WDR48: variants seen among roughly 807,000 people sequenced by gnomAD.
WDR48 encodes the protein WD repeat-containing protein 48.
A neutral mutation model predicts 94.0 loss-of-function variants in WDR48; 22 were observed. The ratio of observed to expected loss-of-function variants is 0.23; its 90% CI spans 0.17 to 0.33. WDR48 has a LOEUF of 0.33. Ranked by LOEUF, WDR48 falls within the 10% of genes least tolerant of loss-of-function variation. The pLI, the probability that WDR48 is intolerant of heterozygous loss-of-function variation, is 1.00. For synonymous variants in WDR48, 278 were observed against 280.5 expected, an observed-to-expected ratio of 0.99 and a Z score of 0.09; for missense variants, 541 against 813.8, an observed-to-expected ratio of 0.66 and a Z score of 4.08.
chr3:39,070,388 T>G (rs1388931438), intron 7 of WDR48, among the ~76,000 whole-genome samples: 1 of 152,182 alleles, frequency 6.6e-6, no homozygotes, highest in Non-Finnish European at 1.5e-5. Context: ...TTTTCCAGAA[T>G]GCAGTGATAA....
chr3:39,057,472 A>G (rs2032969958), intron 1 of WDR48, among the ~76,000 whole-genome samples: 1 of 152,190 alleles, frequency 6.6e-6, no homozygotes, highest in Non-Finnish European at 1.5e-5. Context: ...AAATACAAGC[A>G]GGAATTACTT....
chr3:39,084,993 C>G (rs180741185), intron 13 of WDR48, among the ~76,000 whole-genome samples: 17 of 152,096 alleles, frequency 1.1e-4, no homozygotes, highest in Admixed American at 3.3e-4. Context: ...TTTGGGAGGC[C>G]GAGGCGGGTG....
intron 7 of WDR48, among the ~76,000 whole-genome samples, chr3:39,070,352 C>T (rs148252717): frequency 1.3e-5 from 2 of 152,126 alleles, no homozygotes; most frequent in African/African-American, 4.8e-5. Flanking sequence ...CATATGTCTA[C>T]CATGTACCCT....
intron 8 of WDR48, among the ~76,000 whole-genome samples, chr3:39,075,176 A>G (rs1378998073): frequency 7.1e-6 from 1 of 141,032 alleles, no homozygotes; most frequent in Non-Finnish European, 1.5e-5. Flanking sequence ...GTTCTGGGGC[A>G]CTTTTGTGTT....
At chr3:39,089,032 C>T (rs544331345) in intron 15 of WDR48, among the ~76,000 whole-genome samples, 199 bp from the exon 16 acceptor site, 5 of 152,204 alleles carry the variant, frequency 3.3e-5, no homozygotes, top group Non-Finnish European at 5.9e-5. Flanking sequence ...GCCTTGGAAT[C>T]TGGGGGCCTG....
chr3:39,072,345 C>T (rs535827393), intron 7 of WDR48, among the ~76,000 whole-genome samples: 12 of 152,270 alleles, frequency 7.9e-5, no homozygotes, highest in African/African-American at 2.6e-4. Context: ...TGATTTGAGT[C>T]AGTCATGTCC....
chr3:39,092,153 C>T (rs1443226794), intron 17 of WDR48, among the ~76,000 whole-genome samples: 2 of 152,214 alleles, frequency 1.3e-5, no homozygotes, highest in African/African-American at 2.4e-5. Flanking sequence ...GCTTGGGCAA[C>T]AGAGAGAGAC....
chr3:39,075,080 T>C (rs1575415239), intron 8 of WDR48, 130 bp downstream of exon 8: 3 of 877,616 alleles, frequency 3.4e-6, no homozygotes, highest in South Asian at 1.8e-5. Context: ...AAAAAAGATA[T>C]TCCATCATGA....
intron 1 of WDR48, among the ~76,000 whole-genome samples, chr3:39,055,609 A>G (rs2032827445): frequency 2.0e-5 from 3 of 152,250 alleles, no homozygotes; most frequent in African/African-American, 2.4e-5. Context: ...AAAACTAGAG[A>G]TACGAGGGAA....
chr3:39,090,911 C>G (rs1225634821), intron 16 of WDR48: 2 of 152,194 alleles, frequency 1.3e-5, no homozygotes, highest in East Asian at 3.8e-4. Context: ...CCCCATAAGC[C>G]ACTAATTTCT....
intron 1 of WDR48, among the ~76,000 whole-genome samples, chr3:39,054,932 G>C (rs2032764991): frequency 6.6e-6 from 1 of 152,210 alleles, no homozygotes; most frequent in Non-Finnish European, 1.5e-5. Flanking sequence ...TTTGGGAATA[G>C]ATTGTGTGAT....
At chr3:39,075,049 G>A in intron 8 of WDR48, 99 bp downstream of exon 8, 1 of 1,178,344 alleles carries the variant, frequency 8.5e-7, no homozygotes, top group East Asian at 2.5e-5. Flanking sequence ...CAACTGCAGG[G>A]TTCGGAGGGG....
chr3:39,081,732 C>CT (rs1303926723), intron 11 of WDR48, among the ~76,000 whole-genome samples: 3 of 152,220 alleles, frequency 2.0e-5, no homozygotes, highest in African/African-American at 7.2e-5. Flanking sequence ...GCCAGCTCCT[C>CT]TTTGAGAGTT....
intron 15 of WDR48, among the ~76,000 whole-genome samples, chr3:39,088,475 TTC>T (rs1384448014): frequency 1.3e-5 from 2 of 152,200 alleles, no homozygotes; most frequent in Non-Finnish European, 2.9e-5. Context: ...TCGAAGCAGC[TTC>T]TCTATTGGTT....
At chr3:39,062,422 A>G (rs2033324698) in intron 1 of WDR48, among the ~76,000 whole-genome samples, 1 of 152,250 alleles carries the variant, frequency 6.6e-6, no homozygotes, top group Non-Finnish European at 1.5e-5. Context: ...AAGTAGGGGA[A>G]AATGCCCTGA....
At chr3:39,058,881 C>G (rs750447419) in intron 1 of WDR48, among the ~76,000 whole-genome samples, 1 of 152,076 alleles carries the variant, frequency 6.6e-6, no homozygotes, top group Non-Finnish European at 1.5e-5. Context: ...TTAAGACCAG[C>G]CTGGCCAAGA....
At chr3:39,094,220 T>C (rs1575441944) in intron 18 of WDR48, 154 bp downstream of exon 18, 1 of 1,448,918 alleles carries the variant, frequency 6.9e-7, no homozygotes, top group Admixed American at 3.0e-5. Flanking sequence ...TCCTCTTTAC[T>C]GCTGGGGAGA....
intron 1 of WDR48, among the ~76,000 whole-genome samples, chr3:39,054,456 T>G (rs897833055): frequency 3.3e-5 from 5 of 152,202 alleles, no homozygotes; most frequent in Admixed American, 3.3e-4. Flanking sequence ...AGGGCAAAAT[T>G]GCCGCTGGTT....
chr3:39,054,541 A>G (rs1269548216), intron 1 of WDR48, among the ~76,000 whole-genome samples: 1 of 152,268 alleles, frequency 6.6e-6, no homozygotes, highest in East Asian at 1.9e-4. Context: ...ATGGAGCCAT[A>G]GTATTCACTG....
Sources: allele counts gnomAD v4.1 joint callset (sites outside exome capture counted in the v4.1 genomes callset), GRCh38; gene constraint gnomAD v4.1.1; transcripts MANE v1.5; gene names NCBI Gene and HGNC (gene_info 2026-07-23, HGNC 2026-07-21).